TCF12: variants seen among roughly 807,000 people sequenced by gnomAD.
The protein encoded by TCF12 is transcription factor 12, also known as DNA-binding protein HTF4.
A neutral mutation model predicts 86.0 loss-of-function variants in TCF12; 45 were observed. That is an observed-to-expected ratio of 0.52 (90% CI 0.41 to 0.67). The LOEUF (loss-of-function observed/expected upper bound fraction) is 0.67. Among genes scored for constraint, TCF12 ranks in the 30% least tolerant of loss-of-function variants. The probability of loss-of-function intolerance (pLI) is 0.00; values close to 1 mark genes in which losing one functional copy is unlikely to be tolerated. For missense variants in TCF12, 881 were observed against 859.9 expected (o/e 1.02, Z -0.31); for synonymous variants, 330 against 299.6 (o/e 1.10, Z -1.05).
chr15:57,138,820 T>C (rs980246020), intron 5 of TCF12, among the ~76,000 whole-genome samples: 3 of 152,198 alleles, frequency 2.0e-5, no homozygotes, highest in African/African-American at 7.2e-5. Context: ...TTTAAGCGCG[T>C]GCTACCAATT....
intron 19 of TCF12, among the ~76,000 whole-genome samples, chr15:57,279,652 G>T (rs993903879): frequency 1.3e-5 from 2 of 152,076 alleles, no homozygotes; most frequent in Non-Finnish European, 2.9e-5. Context: ...CTAATTTACT[G>T]AGTTTTTGGT....
intron 3 of TCF12, among the ~76,000 whole-genome samples, chr15:56,993,791 T>A (rs909166110): frequency 6.6e-6 from 1 of 152,200 alleles, no homozygotes; most frequent in African/African-American, 2.4e-5. Flanking sequence ...ATATTACCAG[T>A]GTCCACAGGA....
chr15:57,010,731 T>A (rs2064778923), intron 3 of TCF12, among the ~76,000 whole-genome samples: 1 of 152,220 alleles, frequency 6.6e-6, no homozygotes, highest in African/African-American at 2.4e-5. Flanking sequence ...CATGGATAGT[T>A]TCTGATATGA....
intron 4 of TCF12, among the ~76,000 whole-genome samples, chr15:57,088,496 GTTT>G (rs5812864): frequency 0.39 from 56,783 of 146,748 alleles, 13,319 homozygotes; most frequent in Non-Finnish European, 0.53. Flanking sequence ...AATTGCTTTA[GTTT>G]TTTTTTTTTT....
At chr15:57,225,985 A>G (rs369019551) in intron 8 of TCF12, among the ~76,000 whole-genome samples, 1 of 149,826 alleles carries the variant, frequency 6.7e-6, no homozygotes, top group African/African-American at 2.4e-5. Flanking sequence ...AACATTAGGT[A>G]TATCTCCTAA....
In TCF12 at chr15:57,140,034, C is replaced by T. The variant is rs74016121; in HGVS notation, c.326-26368C>T. On this transcript the variant is annotated intron_variant, in intron 5 of 20. Coordinates refer to ENST00000333725, the MANE Select transcript of TCF12 (RefSeq NM_207037.2). ...AAATCAACATAATTACCATATGATC[C>T]AGCAGTATTACTTCCAGGTACATAC... is the stretch of plus-strand genomic sequence containing the variant. 1.1e-3 allele frequency among the ~76,000 whole-genome samples: 172 copies of T among 152,196 alleles called. 1 individual carries two copies. The highest frequency in any genetic ancestry group is 4.0e-3 in the African/African-American group (166 of 41,528).
At chr15:57,175,892 G>T (rs1266554862) in intron 6 of TCF12, among the ~76,000 whole-genome samples, 1 of 152,186 alleles carries the variant, frequency 6.6e-6, no homozygotes, top group African/African-American at 2.4e-5. Flanking sequence ...AAAAAGAAAT[G>T]TTGTCATGTG....
At chr15:56,936,069 C>A (rs572059129) in intron 3 of TCF12, among the ~76,000 whole-genome samples, 62 of 152,284 alleles carry the variant, frequency 4.1e-4, no homozygotes, top group Admixed American at 9.8e-4. Context: ...AATCACCACA[C>A]TGTTTTCTGT....
intron 5 of TCF12, among the ~76,000 whole-genome samples, chr15:57,095,587 C>T (rs771736055): frequency 6.6e-6 from 1 of 152,068 alleles, no homozygotes; most frequent in African/African-American, 2.4e-5. Flanking sequence ...AAATTATCTT[C>T]GGTTTTGCTT....
intron 3 of TCF12, among the ~76,000 whole-genome samples, chr15:56,950,745 GTTT>G (rs71113040): frequency 0.011 from 910 of 85,818 alleles, 173 homozygotes; most frequent in African/African-American, 0.043. Context: ...TTATGACCAT[GTTT>G]TTTTTTTTTT....
intron 5 of TCF12, among the ~76,000 whole-genome samples, chr15:57,128,400 G>C (rs1345727390): frequency 1.3e-5 from 2 of 152,122 alleles, no homozygotes; most frequent in African/African-American, 4.8e-5. Flanking sequence ...AAGTGCTTTT[G>C]CTCTGTTCAT....
At chr15:57,266,216 T>G (rs576455510) in intron 18 of TCF12, among the ~76,000 whole-genome samples, 15 of 152,218 alleles carry the variant, frequency 9.9e-5, no homozygotes, top group African/African-American at 3.6e-4. Flanking sequence ...TAGCTGGGAT[T>G]ACAGGCAGAT....
At chr15:56,986,289 A>T (rs755057458) in intron 3 of TCF12, among the ~76,000 whole-genome samples, 1 of 152,176 alleles carries the variant, frequency 6.6e-6, no homozygotes, top group Admixed American at 6.5e-5. Flanking sequence ...TATGTTATCA[A>T]TGTTGACCAA....
At chr15:57,001,052 C>T (rs1378506148) in intron 3 of TCF12, among the ~76,000 whole-genome samples, 2 of 125,646 alleles carry the variant, frequency 1.6e-5, no homozygotes, top group Admixed American at 9.7e-5. Context: ...CTTGCTCTGT[C>T]ATCACCCAGG....
At chr15:57,101,683 G>C (rs2049766369) in intron 5 of TCF12, among the ~76,000 whole-genome samples, 1 of 152,086 alleles carries the variant, frequency 6.6e-6, no homozygotes, top group South Asian at 2.1e-4. Context: ...ATGTTTCTTT[G>C]GGTATTTCCA....
intron 8 of TCF12, among the ~76,000 whole-genome samples, chr15:57,208,489 C>A (rs112973138): frequency 3.7e-5 from 5 of 135,096 alleles, no homozygotes; most frequent in African/African-American, 1.4e-4. Context: ...CTCAAGTGAT[C>A]CTCACACCTC....
At chr15:57,203,542 A>T (rs1315227859) in intron 8 of TCF12, among the ~76,000 whole-genome samples, 2 of 152,212 alleles carry the variant, frequency 1.3e-5, no homozygotes, top group Admixed American at 1.3e-4. Context: ...GGCAATTGAA[A>T]ATACCTTTTT....
chr15:57,075,804 T>TTCTCTCTCTCTCTCTCTCTCTCTC (rs1244304206), intron 4 of TCF12, among the ~76,000 whole-genome samples: 37 of 28,590 alleles, frequency 1.3e-3, no homozygotes, highest in Admixed American at 1.1e-3. Flanking sequence ...CTTTCTTTCT[T>TTCTCTCTCTCTCTCTCTCTCTCTC]TCTCTCTCTC....
chr15:56,958,854 C>G (rs1239187201), intron 3 of TCF12, among the ~76,000 whole-genome samples: 1 of 152,032 alleles, frequency 6.6e-6, no homozygotes, highest in Admixed American at 6.6e-5. Flanking sequence ...GACCCTGTCT[C>G]TACCAAATAA....
Sources: allele counts gnomAD v4.1 joint callset (sites outside exome capture counted in the v4.1 genomes callset), GRCh38; gene constraint gnomAD v4.1.1; transcripts MANE v1.5; gene names NCBI Gene and HGNC (gene_info 2026-07-23, HGNC 2026-07-21).